DPP10: variants seen among roughly 807,000 people sequenced by gnomAD.
DPP10 encodes the protein inactive dipeptidyl peptidase 10.
Under a neutral mutation model 120.9 loss-of-function variants are expected in DPP10, and 33 were observed. The ratio of observed to expected loss-of-function variants is 0.27; its 90% CI spans 0.21 to 0.37. The LOEUF (loss-of-function observed/expected upper bound fraction) is 0.37. Among genes scored for constraint, DPP10 ranks in the 10% least tolerant of loss-of-function variants. The pLI is 1.00. For synonymous variants in DPP10, 337 were observed against 326.1 expected (o/e 1.03, Z -0.36); for missense variants, 816 against 942.8 (o/e 0.87, Z 1.76).
chr2:114,645,338 A>G (rs1436050045), intron 1 of DPP10, among the ~76,000 whole-genome samples: 6 of 152,136 alleles, frequency 3.9e-5, no homozygotes, highest in Non-Finnish European at 7.4e-5. Context: ...ACTGTCCTAA[A>G]CCATAGGCCA....
At chr2:115,537,213 A>T (rs2078903893) in intron 5 of DPP10, among the ~76,000 whole-genome samples, 1 of 152,056 alleles carries the variant, frequency 6.6e-6, no homozygotes, top group Admixed American at 6.6e-5. Context: ...TACTTGTATT[A>T]AGATTATGGA....
At chr2:115,734,562 A>G (rs1321055800) in intron 8 of DPP10, among the ~76,000 whole-genome samples, 2 of 150,674 alleles carry the variant, frequency 1.3e-5, no homozygotes, top group Non-Finnish European at 2.9e-5. Flanking sequence ...AGGCTGAGGC[A>G]GGAAAATCAC....
At chr2:114,459,399 C>G (rs1028443802) in intron 1 of DPP10, among the ~76,000 whole-genome samples, 3 of 152,108 alleles carry the variant, frequency 2.0e-5, no homozygotes, top group Non-Finnish European at 1.5e-5. Context: ...AGCAGCATGA[C>G]AATCTTAGGG....
chr2:115,135,493 C>A (rs1034041534), intron 1 of DPP10, among the ~76,000 whole-genome samples: 3 of 152,122 alleles, frequency 2.0e-5, no homozygotes, highest in African/African-American at 4.8e-5. Flanking sequence ...ACAGAGAAGG[C>A]CTCAGCATTA....
At chr2:115,361,943 C>G (rs1351218055) in intron 3 of DPP10, among the ~76,000 whole-genome samples, 1 of 151,850 alleles carries the variant, frequency 6.6e-6, no homozygotes, top group African/African-American at 2.4e-5. Context: ...TTCATATTAA[C>G]CTTTTAATTC....
intron 1 of DPP10, chr2:114,833,962 T>G (rs1254690907): frequency 6.6e-6 from 1 of 152,028 alleles, no homozygotes; most frequent in Non-Finnish European, 1.5e-5. Context: ...GTATAATGAT[T>G]GAGTTTTGCA....
chr2:115,476,322 A>G (rs973243790), intron 3 of DPP10, among the ~76,000 whole-genome samples: 3 of 152,104 alleles, frequency 2.0e-5, no homozygotes, highest in East Asian at 1.9e-4. Flanking sequence ...GCCGTGTAAG[A>G]CATGCCTGCT....
chr2:114,928,880 C>T (rs1430439450), intron 1 of DPP10, among the ~76,000 whole-genome samples: 1 of 152,192 alleles, frequency 6.6e-6, no homozygotes, highest in Non-Finnish European at 1.5e-5. Flanking sequence ...CAGCCTAAGC[C>T]ATGCCTGGGG....
rs1345479511 is a variant in DPP10, at chr2:114,775,615, A to G, written c.60+332777A>G. ...GTTCTAGCAGGCTGAGGAAGCCTAG[A>G]AAGTTTGCATTCTCTAAGCAATGTT... On this transcript the variant is annotated intron_variant, in intron 1 of 25. Coordinates refer to ENST00000410059, the MANE Select transcript of DPP10 (RefSeq NM_020868.6). Among the ~76,000 whole-genome samples, 8 of 152,258 alleles carry G rather than the reference A, an allele frequency of 5.3e-5. No homozygotes were observed. The East Asian group carries it at 1.4e-3, about 26-fold the overall frequency.
intron 4 of DPP10, among the ~76,000 whole-genome samples, chr2:115,512,636 T>G (rs944526804): frequency 6.6e-6 from 1 of 152,134 alleles, no homozygotes; most frequent in Non-Finnish European, 1.5e-5. Flanking sequence ...CTGTTGTTAT[T>G]TATTTCTTGA....
In DPP10 at chr2:115,475,817, G is replaced by A. The variant is rs756489395; in HGVS notation, c.272-23693G>A. On this transcript the variant is annotated intron_variant, in intron 3 of 25. Transcript: ENST00000410059. ...TTATTTTGGAGCTTTAAGATTTAATGACTGCTTTTCTGGGTTTCAGACTTG... is the reference window on the plus strand; with the variant it reads ...TTATTTTGGAGCTTTAAGATTTAATAACTGCTTTTCTGGGTTTCAGACTTG... Among the ~76,000 whole-genome samples, 104 of 152,138 alleles carry A rather than the reference G, an allele frequency of 6.8e-4. 1 individual carries two copies. The highest frequency in any genetic ancestry group is 1.3e-3 in the Non-Finnish European group (89 of 68,026).
intron 3 of DPP10, among the ~76,000 whole-genome samples, chr2:115,394,188 T>G (rs1446885371): frequency 6.6e-6 from 1 of 152,170 alleles, no homozygotes; most frequent in Non-Finnish European, 1.5e-5. Flanking sequence ...TTTCATTTTT[T>G]TAAACTTGGA....
intron 1 of DPP10, among the ~76,000 whole-genome samples, chr2:115,170,775 C>A (rs1385369216): frequency 1.3e-5 from 2 of 152,016 alleles, no homozygotes; most frequent in African/African-American, 4.8e-5. Flanking sequence ...TGAATTGAAC[C>A]AGAAGTTGAA....
intron 3 of DPP10, among the ~76,000 whole-genome samples, chr2:115,344,413 A>G (rs747048927): frequency 6.6e-6 from 1 of 152,042 alleles, no homozygotes; most frequent in Non-Finnish European, 1.5e-5. Flanking sequence ...ACATTTTGGG[A>G]GCTAGTACGT....
chr2:115,007,471 T>C (rs573921724), intron 1 of DPP10, among the ~76,000 whole-genome samples: 1 of 152,140 alleles, frequency 6.6e-6, no homozygotes, highest in South Asian at 2.1e-4. Flanking sequence ...GCCAATATCA[T>C]ACTGAATGGG....
chr2:115,591,474 G>T (rs2082657940), intron 5 of DPP10, among the ~76,000 whole-genome samples: 1 of 152,106 alleles, frequency 6.6e-6, no homozygotes, highest in African/African-American at 2.4e-5. Context: ...TAGATGTGTG[G>T]TATTATTTCT....
At chr2:115,335,091 G>T (rs962970053) in intron 2 of DPP10, among the ~76,000 whole-genome samples, 1 of 151,810 alleles carries the variant, frequency 6.6e-6, no homozygotes, top group African/African-American at 2.4e-5. Flanking sequence ...ACATCTTACG[G>T]GGATGGCAGG....
At chr2:115,284,537 G>T (rs1372583572) in intron 1 of DPP10, among the ~76,000 whole-genome samples, 1 of 151,976 alleles carries the variant, frequency 6.6e-6, no homozygotes, top group African/African-American at 2.4e-5. Flanking sequence ...GAATAGATAT[G>T]TTAACAAGTT....
chr2:115,565,992 G>A (rs1266807131), intron 5 of DPP10, among the ~76,000 whole-genome samples: 10 of 151,832 alleles, frequency 6.6e-5, no homozygotes, highest in African/African-American at 2.4e-4. Flanking sequence ...TCACCATGTT[G>A]GCCAGGCTGG....
Sources: allele counts gnomAD v4.1 joint callset (sites outside exome capture counted in the v4.1 genomes callset), GRCh38; gene constraint gnomAD v4.1.1; transcripts MANE v1.5; gene names NCBI Gene and HGNC (gene_info 2026-07-23, HGNC 2026-07-21).